The following PTPN6 variants were observed in gnomAD, a reference collection of about 807,000 sequenced individuals.
PTPN6 encodes tyrosine-protein phosphatase non-receptor type 6.
In PTPN6, 18 loss-of-function variants were observed where a neutral mutation model predicts 81.5. That is an observed-to-expected ratio of 0.22 (90% CI 0.15 to 0.33). The LOEUF is 0.33. Among genes scored for constraint, PTPN6 ranks in the 10% least tolerant of loss-of-function variants. PTPN6 has a pLI of 1.00. For missense variants in PTPN6, 500 were observed against 794.2 expected (o/e 0.63, Z 4.45); for synonymous variants, 301 against 310.9 (o/e 0.97, Z 0.33).
In PTPN6 at chr12:6,955,544, C is replaced by T. The variant is rs1555148507; in HGVS notation, c.747+59C>T. Reference sequence around the variant, plus strand: ...TGAGGTGGTGGCAGCGGCCTGGGGCCCCAGGCGGACACCTTCCCCTCCTTG... The same window carrying T: ...TGAGGTGGTGGCAGCGGCCTGGGGCTCCAGGCGGACACCTTCCCCTCCTTG... On this transcript the variant is annotated intron_variant, in intron 6 of 15. Coordinates refer to ENST00000318974, the MANE Select transcript of PTPN6 (RefSeq NM_002831.6). The surrounding 1 kb of genome is among the most constrained non-coding windows in gnomAD (Gnocchi z 7.2). 4 of 1,581,636 alleles carry T rather than the reference C, an allele frequency of 2.5e-6. No individual in the cohort carries two copies. In the African/African-American group the frequency reaches 5.4e-5, roughly 21 times the overall value.
At position 6,957,021 on chromosome 12, in the gene PTPN6, T is replaced by C. The variant is rs1946043986; in HGVS notation, c.1074+453T>C. On this transcript the variant is annotated intron_variant, in intron 9 of 15. Coordinates refer to ENST00000318974, the MANE Select transcript of PTPN6 (RefSeq NM_002831.6). This position sits in a 1 kb window ranked among gnomAD's most constrained non-coding sequence, Gnocchi z 6.5. ...TCACCTTTGGGATAAAGTCGCACTC[T>C]AAGGCCTGGCATTCAAGGTCTGGTG... 6.6e-6 allele frequency among the ~76,000 whole-genome samples: 1 copy of C among 152,234 alleles called. No homozygotes were observed.
chr12:6,959,693 G>A lies in PTPN6; in HGVS notation c.1362-234G>A. On this transcript the variant is annotated intron_variant, in intron 11 of 15. Transcript: ENST00000318974. This position sits in a 1 kb window ranked among gnomAD's most constrained non-coding sequence, Gnocchi z 6.6. ...CGGCGCGAGGAGTGGAGGAGGGAAGGATGGTGGCAGCTGGGGAGCCAGCGT... is the reference window on the plus strand; with the variant it reads ...CGGCGCGAGGAGTGGAGGAGGGAAGAATGGTGGCAGCTGGGGAGCCAGCGT... 1 of 601,544 alleles carries A rather than the reference G, an allele frequency of 1.7e-6. No homozygotes were observed. The allele number at this position is 601,544 out of a possible 1,614,324, so 37.3% of individuals were successfully genotyped here. A position where few individuals can be genotyped will look rare whatever the true frequency, so the allele number is the denominator to read the frequency against.
rs1256167460 is a variant in PTPN6 at position 6,955,996 on chromosome 12, A to ATCT, written c.845-144_845-143insTTC. 1 of 872,978 alleles carries ATCT rather than the reference A, an allele frequency of 1.1e-6. No homozygotes were observed. The highest frequency in any genetic ancestry group is 1.9e-6 in the Non-Finnish European group (1 of 534,572). 54.1% of individuals were successfully genotyped at this position (872,978 alleles called of 1,614,324 possible). ...CTCCCTCACTCCCTCCATACAGATG[A>ATCT]TCCCCCACCCCTGCTGCCCACAGTC... On this transcript the variant is annotated intron_variant, in intron 7 of 15. Coordinates refer to ENST00000318974, the MANE Select transcript of PTPN6 (RefSeq NM_002831.6). This position sits in a 1 kb window ranked among gnomAD's most constrained non-coding sequence, Gnocchi z 7.2.
rs373177287 is a variant in PTPN6, at chr12:6,951,967, G to A, written c.132-16G>A. On this transcript the variant is annotated splice_polypyrimidine_tract_variant and intron_variant, in intron 2 of 15. Coordinates refer to ENST00000318974, the MANE Select transcript of PTPN6 (RefSeq NM_002831.6). The surrounding 1 kb of genome is among the most constrained non-coding windows in gnomAD (Gnocchi z 7.2). ...TACTCCTGCACCGACTGGCCTCACC[G>A]CCTGGTGCCCTGCAGGGTGGGGGAT... 5.3e-3 allele frequency: 8,620 copies of A among 1,613,062 alleles called. 36 individuals carry two copies. The highest frequency in any genetic ancestry group is 6.2e-3 in the Non-Finnish European group (7,338 of 1,179,462).
At chr12:6,948,795 T>A (rs770216978), upstream of PTPN6, among the ~76,000 whole-genome samples, 205 of 150,854 alleles carry the variant, frequency 1.4e-3, 1 homozygote, top group Admixed American at 4.6e-3. Flanking sequence ...AAAAAAAAAA[T>A]TAGGCTGGCA....
At position 6,960,895 on chromosome 12, in the gene PTPN6, G is replaced by A. The variant is rs1555149857; in HGVS notation, c.1763G>A (p.Ser588Asn). 1.9e-6 allele frequency: 3 copies of A among 1,575,294 alleles called. No homozygotes were observed. The highest frequency in any genetic ancestry group is 2.3e-5 in the East Asian group (1 of 42,892). The change falls in exon 15 of 16, where the codon AGC becomes AAC. Residue 588 changes from serine to asparagine, a missense_variant. Physicochemically the swap from Ser to Asn is conservative, Grantham distance 46 (BLOSUM62 1). Coordinates refer to ENST00000318974, the MANE Select transcript of PTPN6 (RefSeq NM_002831.6). The surrounding 1 kb of genome is among the most constrained non-coding windows in gnomAD (Gnocchi z 6.1). Reference protein sequence around the residue: ...KKQRSADKEKSKGSLKRK With the variant: ...KKQRSADKEKNKGSLKRK ...CAGCGGTCAGCAGACAAGGAGAAGA[G>A]CAAGGGTTCCCTCAAGAGGAAGTGA...
Position 6,960,411 on chromosome 12 carries a change from C to T in PTPN6, c.1649C>T (p.Ala550Val). The T allele has an allele frequency of 6.2e-7, 1 of 1,613,834 alleles. No individual in the cohort carries two copies. Among genetic ancestry groups the T allele is most frequent in the Non-Finnish European group, 8.5e-7 (1 of 1,180,010 alleles). Residue 550 changes from alanine (A) to valine (V), a missense_variant, in exon 14 of 16, where the codon GCC (alanine) becomes GTC (valine). By Grantham distance (64) the Ala-to-Val change is moderately conservative (BLOSUM62 0). This residue lies in a region of PTPN6 where 56 missense variants were observed against 56.4 expected (regional missense o/e 0.99). Transcript: ENST00000318974. This position sits in a 1 kb window ranked among gnomAD's most constrained non-coding sequence, Gnocchi z 6.1. ...TYPPAMKNAH[A>V]KASRTSSKHK... ...CCCCCAGCCATGAAGAATGCCCATG[C>T]CAAGGCCTCCCGCACCTCGTCCAAG...
upstream of PTPN6, chr12:6,946,869 C>A (rs2138246994): frequency 1.9e-6 from 2 of 1,033,036 alleles, no homozygotes; most frequent in African/African-American, 1.6e-5. Context: ...TGTTTCCGGT[C>A]CCTATGAACT....
Position 6,955,636 on chromosome 12 carries a change from C to G in PTPN6, c.748-24C>G. 1 of 1,609,048 alleles carries G rather than the reference C, an allele frequency of 6.2e-7. No individual in the cohort carries two copies. The highest frequency in any genetic ancestry group is 1.3e-5 in the African/African-American group (1 of 74,904). On this transcript the variant is annotated intron_variant, in intron 6 of 15. Coordinates refer to ENST00000318974, the MANE Select transcript of PTPN6 (RefSeq NM_002831.6). The surrounding 1 kb of genome is among the most constrained non-coding windows in gnomAD (Gnocchi z 7.2). Reference sequence around the variant, plus strand: ...TGGATGCCCTCTTTGGGAGCTGATGCTCATTTCCCCACCCACATCTCAGAG... The same window carrying G: ...TGGATGCCCTCTTTGGGAGCTGATGGTCATTTCCCCACCCACATCTCAGAG...
In PTPN6 at chr12:6,957,985, G is replaced by A; in HGVS notation, c.1273G>A (p.Glu425Lys). 1 of 1,613,770 alleles carries A rather than the reference G, an allele frequency of 6.2e-7. No individual in the cohort carries two copies. The highest frequency in any genetic ancestry group is 8.5e-7 in the Non-Finnish European group (1 of 1,180,028). The change falls in exon 11 of 16, where the codon GAG becomes AAG. Residue 425 changes from glutamate to lysine, a missense_variant. Around this residue, in one of 6 missense-constraint regions of PTPN6, gnomAD observed 226 missense variants for 364.4 expected, o/e 0.62. Transcript: ENST00000318974. This position sits in a 1 kb window ranked among gnomAD's most constrained non-coding sequence, Gnocchi z 6.5. ...LSWPDHGVPS[E>K]PGGVLSFLDQ... Reference sequence around the variant, plus strand: ...CTGGCCCGACCATGGGGTCCCCAGTGAGCCTGGGGGTGTCCTCAGCTTCCT... The same window carrying A: ...CTGGCCCGACCATGGGGTCCCCAGTAAGCCTGGGGGTGTCCTCAGCTTCCT...
upstream of PTPN6, chr12:6,946,780 T>C (rs1945826631): frequency 6.3e-7 from 1 of 1,590,574 alleles, no homozygotes. Flanking sequence ...CTCCTGTTAG[T>C]TTTGGAGGGA....
chr12:6,951,942 T>TA lies in PTPN6; in HGVS notation c.132-40dup. On this transcript the variant is annotated intron_variant, in intron 2 of 15. Transcript: ENST00000318974. The surrounding 1 kb of genome is among the most constrained non-coding windows in gnomAD (Gnocchi z 7.2). ...CAGCCGATCCCTGCCCTCCTGCCTC[T>TA]ACTCCTGCACCGACTGGCCTCACCG... is the stretch of plus-strand genomic sequence containing the variant. 2 of 1,601,390 alleles carry TA rather than the reference T, an allele frequency of 1.2e-6. No homozygotes were observed. The highest frequency in any genetic ancestry group is 1.7e-4 in the Middle Eastern group (1 of 6,032).
In PTPN6 at chr12:6,952,553, C is replaced by T. The variant is rs75082862; in HGVS notation, c.326+376C>T. ...CTCTGGAATCGAGCCTGCCTTCCTC[C>T]GTCTGCCCCTCACCCCAGCACATGT... On this transcript the variant is annotated intron_variant, in intron 3 of 15. Coordinates refer to ENST00000318974, the MANE Select transcript of PTPN6 (RefSeq NM_002831.6). The surrounding 1 kb of genome is among the most constrained non-coding windows in gnomAD (Gnocchi z 8.1). The T allele has an allele frequency of 0.029, 10,226 of 354,438 alleles. 522 individuals carry two copies. Among genetic ancestry groups the T allele is most frequent in the African/African-American group, 0.13 (6,313 of 47,528 alleles). 22.0% of individuals were successfully genotyped at this position (354,438 alleles called of 1,614,324 possible). A position where few individuals can be genotyped will look rare whatever the true frequency, so the allele number is the denominator to read the frequency against.
rs782245859 is a variant in PTPN6, at chr12:6,956,100, G to A, written c.845-42G>A. The A allele has an allele frequency of 6.9e-6, 11 of 1,604,192 alleles. No individual in the cohort carries two copies. The highest frequency in any genetic ancestry group is 1.6e-4 in the Middle Eastern group (1 of 6,074). Reference sequence around the variant, plus strand: ...TCTGACCCAGGTGTGGTGAGTCCCTGGCTAACCCAGACCATCTCGCCTCCT... The same window carrying A: ...TCTGACCCAGGTGTGGTGAGTCCCTAGCTAACCCAGACCATCTCGCCTCCT... On this transcript the variant is annotated intron_variant, in intron 7 of 15. Transcript: ENST00000318974. This position sits in a 1 kb window ranked among gnomAD's most constrained non-coding sequence, Gnocchi z 4.1.
Position 6,960,455 on chromosome 12 carries a change from A to G in PTPN6, c.1673+20A>G. On this transcript the variant is annotated intron_variant, in intron 14 of 15. Transcript: ENST00000318974. This position sits in a 1 kb window ranked among gnomAD's most constrained non-coding sequence, Gnocchi z 6.1. ...GTCCAAGTGAGTGGCCCTGACTGCCACTGCCCGGCATCCACCCCTTTGTCC... is the reference window on the plus strand; with the variant it reads ...GTCCAAGTGAGTGGCCCTGACTGCCGCTGCCCGGCATCCACCCCTTTGTCC... 1 of 1,607,820 alleles carries G rather than the reference A, an allele frequency of 6.2e-7. No individual in the cohort carries two copies. Among genetic ancestry groups the G allele is most frequent in the Non-Finnish European group, 8.5e-7 (1 of 1,174,984 alleles).
At position 6,960,621 on chromosome 12, in the gene PTPN6, C is replaced by T; in HGVS notation, c.1674-185C>T. The T allele has an allele frequency of 6.6e-7, 1 of 1,507,684 alleles. No individual in the cohort carries two copies. The highest frequency in any genetic ancestry group is 9.0e-7 in the Non-Finnish European group (1 of 1,108,000). 93.4% of individuals were successfully genotyped at this position (1,507,684 alleles called of 1,614,324 possible). A position where few individuals can be genotyped will look rare whatever the true frequency, so the allele number is the denominator to read the frequency against. ...ACACGTGTGGGCCTCTGCTAGGTAC[C>T]AGCAGCGCACTCGTGTATGAGATGT... On this transcript the variant is annotated intron_variant, in intron 14 of 15. Transcript: ENST00000318974. This position sits in a 1 kb window ranked among gnomAD's most constrained non-coding sequence, Gnocchi z 6.1.
Position 6,955,649 on chromosome 12 carries a change from C to A in PTPN6, c.748-11C>A, listed in dbSNP as rs1027985579. 1 of 1,613,220 alleles carries A rather than the reference C, an allele frequency of 6.2e-7. No homozygotes were observed. The highest frequency in any genetic ancestry group is 8.5e-7 in the Non-Finnish European group (1 of 1,179,254). ...TGGGAGCTGATGCTCATTTCCCCAC[C>A]CACATCTCAGAGTTTGCAGAAGCAG... On this transcript the variant is annotated splice_polypyrimidine_tract_variant and intron_variant, in intron 6 of 15. Coordinates refer to ENST00000318974, the MANE Select transcript of PTPN6 (RefSeq NM_002831.6). This position sits in a 1 kb window ranked among gnomAD's most constrained non-coding sequence, Gnocchi z 7.2.
At chr12:6,950,642 C>T (rs928604595), upstream of PTPN6, among the ~76,000 whole-genome samples, 2 of 152,140 alleles carry the variant, frequency 1.3e-5, no homozygotes, top group African/African-American at 4.8e-5. Flanking sequence ...AGGAGGGCAC[C>T]CTTCTCTCTT....
In PTPN6 at chr12:6,958,040, T is replaced by C. The variant is rs1565583883; in HGVS notation, c.1328T>C (p.Leu443Pro). 6.2e-7 allele frequency: 1 copy of C among 1,613,058 alleles called. No individual in the cohort carries two copies. ...LDQINQRQES[L>P]PHAGPIIVHC... ...CAGATCAACCAGCGGCAGGAAAGTC[T>C]GCCTCACGCAGGGCCCATCATCGTG... The change falls in exon 11 of 16, where the codon CTG becomes CCG. Residue 443 changes from leucine (L) to proline (P), a missense_variant. Transcript: ENST00000318974.
Sources: allele counts gnomAD v4.1 joint callset (sites outside exome capture counted in the v4.1 genomes callset), GRCh38; gene constraint gnomAD v4.1.1; regional missense constraint gnomAD v4.1.1; non-coding constraint Gnocchi (gnomAD v3.1); transcripts MANE v1.5; gene names NCBI Gene and HGNC (gene_info 2026-07-23, HGNC 2026-07-21).